The following FBXO10 variants were observed in gnomAD, a reference collection of about 807,000 sequenced individuals.
FBXO10 encodes F-box protein 10.
A neutral mutation model predicts 80.7 loss-of-function variants in FBXO10; 39 were observed. The observed-to-expected ratio is 0.48, with a 90% CI of 0.37 to 0.63. The LOEUF (loss-of-function observed/expected upper bound fraction) is 0.63, where lower values mean the gene tolerates loss of function less well. FBXO10 is among the 30% of genes least tolerant of loss of function. The pLI is 0.00. For missense variants in FBXO10, 1,025 were observed against 1,269.0 expected (o/e 0.81, Z 2.92); for synonymous variants, 449 against 489.6 (o/e 0.92, Z 1.09).
intron 1 of FBXO10, among the ~76,000 whole-genome samples, chr9:37,570,177 G>A (rs1326744561): frequency 6.6e-6 from 1 of 152,136 alleles, no homozygotes; most frequent in African/African-American, 2.4e-5. Context: ...TGGGCATGGT[G>A]GCGCATGCAT....
At chr9:37,522,601 A>C (rs1014167218) in intron 7 of FBXO10, 1 of 1,307,638 alleles carries the variant, frequency 7.6e-7, no homozygotes, top group African/African-American at 1.5e-5. Flanking sequence ...AAAAGGGGAT[A>C]AAGCCTTCTG....
At chr9:37,554,189 G>C (rs927396162) in intron 1 of FBXO10, among the ~76,000 whole-genome samples, 6 of 152,150 alleles carry the variant, frequency 3.9e-5, no homozygotes, top group Non-Finnish European at 5.9e-5. Context: ...TGGATCCCTT[G>C]TGTTGCCCTT....
rs1246170819 is a variant in FBXO10, at chr9:37,531,966, A to G, written c.1512T>C (p.Ile504=). ...CTACACCAGCCTCTGCATTGTGGTA[A>G]ATGTTGTTGCCGGCAATCAAGCCAC... ...EGGGLIAGNN[I]YHNAEAGVDI... is the part of the protein sequence containing the mutation. Residue 504 remains isoleucine (I), a synonymous_variant, in exon 4 of 11, where the codon ATT becomes ATC. Coordinates refer to ENST00000432825, the MANE Select transcript of FBXO10 (RefSeq NM_012166.3). 1.2e-6 allele frequency: 2 copies of G among 1,613,894 alleles called. No homozygotes were observed. The highest frequency in any genetic ancestry group is 2.7e-5 in the African/African-American group (2 of 74,936).
intron 1 of FBXO10, among the ~76,000 whole-genome samples, chr9:37,565,531 C>G (rs1822582017): frequency 6.6e-6 from 1 of 152,166 alleles, no homozygotes; most frequent in Non-Finnish European, 1.5e-5. Context: ...GACCTAGGAG[C>G]TTGTTAGAAG....
chr9:37,570,115 G>A (rs1452407265), intron 1 of FBXO10, among the ~76,000 whole-genome samples: 4 of 152,078 alleles, frequency 2.6e-5, no homozygotes, highest in South Asian at 2.1e-4. Context: ...TTCGAGACCC[G>A]CCTGAGCAAC....
intron 8 of FBXO10, among the ~76,000 whole-genome samples, chr9:37,520,031 C>T (rs1376450235): frequency 6.6e-6 from 1 of 152,018 alleles, no homozygotes; most frequent in Non-Finnish European, 1.5e-5. Flanking sequence ...ATTGAGGTCT[C>T]TCTATGTTGC....
chr9:37,541,069 A>G (rs1300502123), intron 2 of FBXO10, 115 bp downstream of exon 2: 3 of 871,192 alleles, frequency 3.4e-6, no homozygotes, highest in South Asian at 1.8e-5. Flanking sequence ...GAGTATGAGT[A>G]TAATAATAAC....
intron 1 of FBXO10, among the ~76,000 whole-genome samples, chr9:37,555,300 A>G (rs749492782): frequency 6.6e-6 from 1 of 152,106 alleles, no homozygotes; most frequent in Non-Finnish European, 1.5e-5. Flanking sequence ...TCTTCATAAT[A>G]CACGATGTTG....
At chr9:37,541,061 G>C (rs1245779578) in intron 2 of FBXO10, 123 bp downstream of exon 2, 2 of 775,194 alleles carry the variant, frequency 2.6e-6, no homozygotes, top group Non-Finnish European at 4.0e-6. Flanking sequence ...ACTCAGAGGA[G>C]TATGAGTATA....
At chr9:37,555,719 T>G (rs1822318917) in intron 1 of FBXO10, among the ~76,000 whole-genome samples, 1 of 152,198 alleles carries the variant, frequency 6.6e-6, no homozygotes, top group East Asian at 1.9e-4. Flanking sequence ...AATATATATT[T>G]AATTATAGGA....
intron 1 of FBXO10, among the ~76,000 whole-genome samples, chr9:37,569,526 A>G (rs10973422): frequency 0.042 from 6,387 of 151,980 alleles, 453 homozygotes; most frequent in African/African-American, 0.14. Flanking sequence ...TTTGAACACC[A>G]TTAACAAACT....
intron 2 of FBXO10, 61 bp from the exon 3 acceptor site, chr9:37,538,004 T>G: frequency 7.4e-7 from 1 of 1,344,954 alleles, no homozygotes; most frequent in Non-Finnish European, 1.1e-6. Flanking sequence ...GGACTCTAGC[T>G]GCCCTTTAAG....
At chr9:37,516,107 T>G (rs1821173723) in intron 9 of FBXO10, 22 bp from the exon 10 acceptor site, 3 of 1,605,072 alleles carry the variant, frequency 1.9e-6, no homozygotes, top group African/African-American at 2.7e-5. Flanking sequence ...AGCCAGAGAT[T>G]GTCACACCTC....
intron 6 of FBXO10, among the ~76,000 whole-genome samples, chr9:37,523,946 C>T (rs1213699248): frequency 2.0e-5 from 3 of 152,300 alleles, no homozygotes; most frequent in South Asian, 2.1e-4. Context: ...AATAAACTGG[C>T]TTTAGAGTCC....
At chr9:37,558,388 C>T (rs1241716354) in intron 1 of FBXO10, among the ~76,000 whole-genome samples, 1 of 152,186 alleles carries the variant, frequency 6.6e-6, no homozygotes, top group Non-Finnish European at 1.5e-5. Flanking sequence ...CTCTGCTTCT[C>T]AACTCGAGCC....
chr9:37,556,251 G>C (rs1284732538), intron 1 of FBXO10, among the ~76,000 whole-genome samples: 1 of 152,030 alleles, frequency 6.6e-6, no homozygotes, highest in Non-Finnish European at 1.5e-5. Context: ...TATGCATTAT[G>C]CTTTTGGTAT....
chr9:37,571,080 T>G lies in FBXO10; in HGVS notation c.-7+5131A>C, dbSNP rs542128730. On this transcript the variant is annotated intron_variant, in intron 1 of 10. Coordinates refer to ENST00000432825, the MANE Select transcript of FBXO10 (RefSeq NM_012166.3). ...GGAAAATATTACTTAGTTAAGAAAT[T>G]ATAAAAACAAAATCACCCTAGAACC... Among the ~76,000 whole-genome samples, 35 of 151,878 alleles carry G rather than the reference T, an allele frequency of 2.3e-4. 1 individual carries two copies. The highest frequency in any genetic ancestry group is 3.4e-3 in the Middle Eastern group (1 of 294).
chr9:37,524,693 G>A (rs1221342227), intron 6 of FBXO10, among the ~76,000 whole-genome samples: 1 of 152,192 alleles, frequency 6.6e-6, no homozygotes, highest in East Asian at 1.9e-4. Flanking sequence ...GTACAATGGG[G>A]AAGTCAGGGA....
At chr9:37,567,984 C>T (rs1822651257) in intron 1 of FBXO10, among the ~76,000 whole-genome samples, 1 of 152,170 alleles carries the variant, frequency 6.6e-6, no homozygotes, top group African/African-American at 2.4e-5. Context: ...AAGAATCCCC[C>T]ATCCTCTTGC....
Sources: gnomAD v4.1 joint callset for allele counts (sites outside exome capture counted in the v4.1 genomes callset) on GRCh38, gnomAD v4.1.1 for gene constraint, MANE v1.5 for transcripts, NCBI Gene and HGNC (gene_info 2026-07-23, HGNC 2026-07-21) for gene names.